TSPAN12: variants seen among roughly 807,000 people sequenced by gnomAD.
TSPAN12 encodes the protein tetraspanin-12.
Under a neutral mutation model 39.2 loss-of-function variants are expected in TSPAN12, and 19 were observed. The ratio of observed to expected loss-of-function variants is 0.49; its 90% CI spans 0.34 to 0.71. TSPAN12 has a LOEUF of 0.71. Among genes scored for constraint, TSPAN12 ranks in the 30% least tolerant of loss-of-function variants. The pLI is 0.01. For synonymous variants in TSPAN12, 119 were observed against 124.8 expected (o/e 0.95, Z 0.31); for missense variants, 314 against 359.9 (o/e 0.87, Z 1.03).
chr7:120,825,663 G>T (rs1794271954), intron 4 of TSPAN12, among the ~76,000 whole-genome samples: 1 of 152,052 alleles, frequency 6.6e-6, no homozygotes, highest in Admixed American at 6.6e-5. Context: ...GTGATTGGAG[G>T]TTTAAAAATA....
intron 4 of TSPAN12, among the ~76,000 whole-genome samples, chr7:120,821,001 G>A (rs900452794): frequency 2.6e-5 from 4 of 151,948 alleles, no homozygotes; most frequent in Admixed American, 6.6e-5. Flanking sequence ...AGGGAATAAC[G>A]TGCAGACTCT....
intron 2 of TSPAN12, among the ~76,000 whole-genome samples, chr7:120,854,542 G>A (rs1233592586): frequency 1.3e-5 from 2 of 152,214 alleles, no homozygotes; most frequent in African/African-American, 4.8e-5. Flanking sequence ...CTAGGAAACA[G>A]ACACTAAATG....
intron 2 of TSPAN12, 70 bp downstream of exon 2, chr7:120,856,628 G>C: frequency 6.8e-7 from 1 of 1,476,068 alleles, no homozygotes. Context: ...GCCCTTTGGC[G>C]CATTATCCGG....
intron 2 of TSPAN12, among the ~76,000 whole-genome samples, chr7:120,853,872 CAAAAA>C (rs749642006): frequency 5.1e-5 from 5 of 97,812 alleles, no homozygotes; most frequent in Admixed American, 1.1e-4. Flanking sequence ...GACTCCGTCC[CAAAAA>C]AAAAAAAAAA....
chr7:120,826,639 C>T (rs1794293385), intron 4 of TSPAN12, among the ~76,000 whole-genome samples: 1 of 152,170 alleles, frequency 6.6e-6, no homozygotes, highest in South Asian at 2.1e-4. Flanking sequence ...CTTATCGTGC[C>T]TCTCCCTCAG....
chr7:120,805,580 G>A (rs1472252827), intron 7 of TSPAN12, among the ~76,000 whole-genome samples: 2 of 152,030 alleles, frequency 1.3e-5, no homozygotes, highest in Admixed American at 6.6e-5. Flanking sequence ...GGTGTATGTG[G>A]GGAATGATCC....
chr7:120,852,184 T>G (rs938336507), intron 2 of TSPAN12, among the ~76,000 whole-genome samples: 1 of 152,186 alleles, frequency 6.6e-6, no homozygotes, highest in Non-Finnish European at 1.5e-5. Flanking sequence ...GTGATTAAGA[T>G]TTATTTTTTT....
At chr7:120,804,022 C>T (rs1793823507) in intron 7 of TSPAN12, among the ~76,000 whole-genome samples, 1 of 152,080 alleles carries the variant, frequency 6.6e-6, no homozygotes, top group Admixed American at 6.6e-5. Context: ...GTAAGTTGAT[C>T]TCATGATCAA....
At chr7:120,810,673 G>T in intron 5 of TSPAN12, 103 bp from the exon 6 acceptor site, 1 of 744,356 alleles carries the variant, frequency 1.3e-6, no homozygotes, top group Non-Finnish European at 2.5e-6. Flanking sequence ...CGCATACTCG[G>T]AATGTCTTCT....
intron 7 of TSPAN12, among the ~76,000 whole-genome samples, chr7:120,803,601 T>C (rs937695044): frequency 1.3e-5 from 2 of 152,216 alleles, no homozygotes; most frequent in African/African-American, 2.4e-5. Context: ...ATGTTATTAG[T>C]TGTAAAATGC....
At chr7:120,843,124 G>A (rs3779386) in intron 2 of TSPAN12, among the ~76,000 whole-genome samples, 20,968 of 151,922 alleles carry the variant, frequency 0.14, 2,131 homozygotes, top group East Asian at 0.34. Context: ...AAGAACCCTG[G>A]GACCACATTC....
intron 4 of TSPAN12, among the ~76,000 whole-genome samples, chr7:120,816,009 A>T (rs759707407): frequency 2.6e-5 from 4 of 152,210 alleles, no homozygotes; most frequent in Admixed American, 1.3e-4. Context: ...GCCCTAATTT[A>T]TTAGCCGTCT....
intron 2 of TSPAN12, among the ~76,000 whole-genome samples, chr7:120,843,787 G>C (rs1167517076): frequency 6.6e-6 from 1 of 152,198 alleles, no homozygotes. Context: ...AACACACAGA[G>C]CTAGCAGAAG....
At chr7:120,837,315 A>C in intron 4 of TSPAN12, among the ~76,000 whole-genome samples, 1 of 141,042 alleles carries the variant, frequency 7.1e-6, no homozygotes, top group African/African-American at 2.6e-5. Context: ...TCATTTATTT[A>C]TTTTTTTTTT....
chr7:120,857,489 A>G (rs1794896463), intron 1 of TSPAN12: 1 of 127,916 alleles, frequency 7.8e-6, no homozygotes, highest in African/African-American at 2.9e-5. Flanking sequence ...ATGATGGATT[A>G]GCCTGGGACA....
rs763242270 is a variant in TSPAN12 at position 120,842,153 on chromosome 7, G to A, written c.67-2044C>T. 3.9e-5 allele frequency among the ~76,000 whole-genome samples: 6 copies of A among 152,148 alleles called. No individual in the cohort carries two copies. The East Asian group carries it at 7.7e-4, about 20-fold the overall frequency. ...ATACAGAAGGTAGAAATGAGTCTGC[G>A]CTAACTCAGCTGGTGGCCATGAAAC... is the stretch of plus-strand genomic sequence containing the variant. On this transcript the variant is annotated intron_variant, in intron 2 of 7. Coordinates refer to ENST00000222747, the MANE Select transcript of TSPAN12 (RefSeq NM_012338.4).
chr7:120,853,471 G>T (rs1053778278), intron 2 of TSPAN12, among the ~76,000 whole-genome samples: 46 of 138,136 alleles, frequency 3.3e-4, no homozygotes, highest in African/African-American at 1.1e-3. Flanking sequence ...AAGAAATGCA[G>T]ATATATATAT....
Position 120,806,570 on chromosome 7 carries a change from A to T in TSPAN12, c.591T>A (p.Asp197Glu). 6.2e-7 allele frequency: 1 copy of T among 1,613,444 alleles called. No homozygotes were observed. Among genetic ancestry groups the T allele is most frequent in the Non-Finnish European group, 8.5e-7 (1 of 1,179,544 alleles). The change falls in exon 7 of 8, where the codon GAT becomes GAA. Residue 197 changes from aspartate (D) to glutamate (E), a missense_variant. Transcript: ENST00000222747. ...PGCSKQAHQE[D>E]LSDLYQEGCG... ...TCACCTCTTGATAAAGGTCACTGAGATCTTCCTGGTGGGCCTGTTTGGAAC... is the reference window on the plus strand; with the variant it reads ...TCACCTCTTGATAAAGGTCACTGAGTTCTTCCTGGTGGGCCTGTTTGGAAC...
At chr7:120,846,094 G>A (rs1486944374) in intron 2 of TSPAN12, among the ~76,000 whole-genome samples, 1 of 152,142 alleles carries the variant, frequency 6.6e-6, no homozygotes, top group Non-Finnish European at 1.5e-5. Flanking sequence ...CTGGCCAGAG[G>A]AGGAGTAAGA....
Sources: allele counts gnomAD v4.1 joint callset (sites outside exome capture counted in the v4.1 genomes callset), GRCh38; gene constraint gnomAD v4.1.1; transcripts MANE v1.5; gene names NCBI Gene and HGNC (gene_info 2026-07-23, HGNC 2026-07-21).